AP3B1: variants seen among roughly 807,000 people sequenced by gnomAD.
AP3B1 encodes the protein adaptor related protein complex 3 subunit beta 1, also known as AP-3 complex subunit beta-1.
AP3B1 carries 61 observed loss-of-function variants against 132.5 expected under a neutral mutation model. The ratio of observed to expected loss-of-function variants is 0.46; its 90% CI spans 0.37 to 0.57. AP3B1 has a LOEUF of 0.57. AP3B1 is among the 20% of genes least tolerant of loss of function. The pLI is 0.00. For synonymous variants in AP3B1, 388 were observed against 438.3 expected (o/e 0.89, Z 1.43); for missense variants, 1,120 against 1,289.4 (o/e 0.87, Z 2.01).
intron 3 of AP3B1, among the ~76,000 whole-genome samples, chr5:78,240,474 C>A (rs1747078686): frequency 6.6e-6 from 1 of 152,070 alleles, no homozygotes; most frequent in Admixed American, 6.5e-5. Context: ...TGGGCTCAGT[C>A]CTAGAAATCC....
chr5:78,256,247 G>C (rs1414005160), intron 2 of AP3B1, among the ~76,000 whole-genome samples: 2 of 151,262 alleles, frequency 1.3e-5, no homozygotes, highest in African/African-American at 4.8e-5. Flanking sequence ...TTTTTGAAAA[G>C]TTAAACAAAA....
chr5:78,261,777 G>A (rs891496236), intron 2 of AP3B1, among the ~76,000 whole-genome samples: 5 of 145,576 alleles, frequency 3.4e-5, no homozygotes, highest in Non-Finnish European at 7.5e-5. Context: ...TTTGAGACGC[G>A]GTCTCACTCT....
Position 78,165,633 on chromosome 5 carries a change from A to T in AP3B1, c.1207T>A (p.Ser403Thr). Residue 403 changes from serine to threonine, a missense_variant, in exon 12 of 27, where the codon TCA becomes ACA. Ser to Thr is a moderately conservative substitution (Grantham distance 58). Transcript: ENST00000255194. ...LTNLANEANI[S>T]TLLREFQTYV... ...ACCTGAAATTCTCGAAGAAGAGTTG[A>T]TATGTTGGCTTCATTTGCCAAGTTT... is the stretch of plus-strand genomic sequence containing the variant. 6.2e-7 allele frequency: 1 copy of T among 1,609,818 alleles called. No homozygotes were observed. The highest frequency in any genetic ancestry group is 8.5e-7 in the Non-Finnish European group (1 of 1,177,120).
intron 15 of AP3B1, among the ~76,000 whole-genome samples, chr5:78,131,051 T>C (rs114974648): frequency 0.014 from 2,097 of 151,980 alleles, 44 homozygotes; most frequent in African/African-American, 0.048. Context: ...TATAAGCTTA[T>C]AAATAAGTTT....
Position 78,225,446 on chromosome 5 carries a change from A to G in AP3B1, c.603+96T>C, listed in dbSNP as rs146688679. 5.1e-4 allele frequency: 342 copies of G among 672,852 alleles called. No individual in the cohort carries two copies. The African/African-American group carries it at 5.9e-3, about 12-fold the overall frequency. The allele number at this position is 672,852 out of a possible 1,614,324, so 41.7% of individuals were successfully genotyped here. A position where few individuals can be genotyped will look rare whatever the true frequency, so the allele number is the denominator to read the frequency against. ...CCATTAATATTTATACCATTTTGAA[A>G]TCAATAAATACAACTATATAAAATA... On this transcript the variant is annotated intron_variant, in intron 6 of 26. Transcript: ENST00000255194.
chr5:78,117,913 A>T (rs140169694), intron 17 of AP3B1, among the ~76,000 whole-genome samples: 36 of 152,120 alleles, frequency 2.4e-4, no homozygotes, highest in African/African-American at 8.4e-4. Context: ...AATAGTTGAG[A>T]CTCATTTATT....
At chr5:78,120,697 T>A (rs1460841072) in intron 17 of AP3B1, among the ~76,000 whole-genome samples, 1 of 152,006 alleles carries the variant, frequency 6.6e-6, no homozygotes, top group Non-Finnish European at 1.5e-5. Context: ...ATAAAGCAAG[T>A]CCTGAGTGAC....
At chr5:78,134,263 G>T (rs747307424) in intron 15 of AP3B1, among the ~76,000 whole-genome samples, 5 of 151,494 alleles carry the variant, frequency 3.3e-5, no homozygotes, top group Non-Finnish European at 7.4e-5. Flanking sequence ...TTATAAGTCA[G>T]TACAAATAAC....
At chr5:78,125,066 G>A (rs1023686031) in intron 17 of AP3B1, among the ~76,000 whole-genome samples, 4 of 152,134 alleles carry the variant, frequency 2.6e-5, no homozygotes, top group Non-Finnish European at 5.9e-5. Flanking sequence ...GAAAAGAAAA[G>A]AAGAGAACAT....
intron 5 of AP3B1, among the ~76,000 whole-genome samples, chr5:78,227,061 A>T (rs1218568468): frequency 6.6e-6 from 1 of 152,132 alleles, no homozygotes; most frequent in Non-Finnish European, 1.5e-5. Flanking sequence ...TAATACAAGC[A>T]TATGTGTACA....
chr5:78,097,494 G>T (rs1430589534), intron 21 of AP3B1, among the ~76,000 whole-genome samples: 2 of 109,598 alleles, frequency 1.8e-5, no homozygotes, highest in East Asian at 2.8e-4. Context: ...CAGCCGCCCC[G>T]TCCGGGAGGG....
intron 5 of AP3B1, among the ~76,000 whole-genome samples, chr5:78,226,100 T>C (rs777780400): frequency 6.6e-6 from 1 of 152,044 alleles, no homozygotes; most frequent in Admixed American, 6.6e-5. Context: ...TAAGAGGTAG[T>C]AATAAGCTTA....
intron 1 of AP3B1, among the ~76,000 whole-genome samples, chr5:78,275,527 G>A (rs1441658123): frequency 6.6e-6 from 1 of 151,998 alleles, no homozygotes; most frequent in Non-Finnish European, 1.5e-5. Flanking sequence ...CCAGGTTGGA[G>A]TGCAGTGGCG....
intron 22 of AP3B1, among the ~76,000 whole-genome samples, chr5:78,079,629 T>C (rs1156540739): frequency 1.3e-5 from 2 of 152,202 alleles, no homozygotes; most frequent in Non-Finnish European, 1.5e-5. Context: ...AAGTGTACTA[T>C]TGATAGTTTT....
intron 24 of AP3B1, among the ~76,000 whole-genome samples, 153 bp downstream of exon 24, chr5:78,034,208 A>C (rs1263612380): frequency 1.3e-5 from 2 of 152,028 alleles, no homozygotes; most frequent in Non-Finnish European, 2.9e-5. Flanking sequence ...CAATTTGTAC[A>C]ACTATTCCAA....
chr5:78,049,316 G>A (rs867541347), intron 22 of AP3B1, among the ~76,000 whole-genome samples: 3 of 152,164 alleles, frequency 2.0e-5, no homozygotes, highest in African/African-American at 4.8e-5. Flanking sequence ...TAAGAACACC[G>A]TTATTTCAAA....
At chr5:78,290,324 C>T (rs1254558272) in intron 1 of AP3B1, among the ~76,000 whole-genome samples, 5 of 152,034 alleles carry the variant, frequency 3.3e-5, no homozygotes, top group Non-Finnish European at 7.4e-5. Context: ...TGGGTTCAAG[C>T]AATCCTCCTG....
At chr5:78,121,982 A>C (rs899275255) in intron 17 of AP3B1, 1 of 152,270 alleles carries the variant, frequency 6.6e-6, no homozygotes, top group African/African-American at 2.4e-5. Flanking sequence ...GCAGCACATC[A>C]AAAAGCTTAT....
chr5:78,063,866 A>T lies in AP3B1; in HGVS notation c.2578-24592T>A, dbSNP rs112451656. Among the ~76,000 whole-genome samples, 11 of 152,252 alleles carry T rather than the reference A, an allele frequency of 7.2e-5. No homozygotes were observed. In the East Asian group the frequency reaches 1.5e-3, roughly 21 times the overall value. On this transcript the variant is annotated intron_variant, in intron 22 of 26. Coordinates refer to ENST00000255194, the MANE Select transcript of AP3B1 (RefSeq NM_003664.5). ...TGCATAAAATATAGTACTGAGCTTA[A>T]TTTTTTTTAAAAATGATAAAATATG...
Sources: gnomAD v4.1 joint callset for allele counts (sites outside exome capture counted in the v4.1 genomes callset) on GRCh38, gnomAD v4.1.1 for gene constraint, MANE v1.5 for transcripts, NCBI Gene and HGNC (gene_info 2026-07-23, HGNC 2026-07-21) for gene names.